The following KPNB1 variants were observed in gnomAD, a reference collection of about 807,000 sequenced individuals.
KPNB1 encodes importin subunit beta-1.
Under a neutral mutation model 113.0 loss-of-function variants are expected in KPNB1, and 7 were observed. The ratio of observed to expected loss-of-function variants is 0.06; its 90% CI spans 0.04 to 0.12. The LOEUF (loss-of-function observed/expected upper bound fraction) is 0.12. KPNB1 is among the 10% of genes least tolerant of loss of function. The pLI, the probability that KPNB1 is intolerant of heterozygous loss-of-function variation, is 1.00. For synonymous variants in KPNB1, 363 were observed against 378.6 expected (o/e 0.96, Z 0.48); for missense variants, 400 against 1,054.8 (o/e 0.38, Z 8.60).
At chr17:47,663,535 G>T (rs138747314) in intron 7 of KPNB1, among the ~76,000 whole-genome samples, 2 of 152,086 alleles carry the variant, frequency 1.3e-5, no homozygotes, top group African/African-American at 2.4e-5. Context: ...GTGGTGGCAC[G>T]TGCCTGTAAT....
intron 3 of KPNB1, 95 bp from the exon 4 acceptor site, chr17:47,656,765 A>T: frequency 8.0e-7 from 1 of 1,246,480 alleles, no homozygotes; most frequent in Non-Finnish European, 1.2e-6. Context: ...AAAGAAAAAA[A>T]AGAATTCAGA....
chr17:47,680,888 C>T (rs981241977), intron 21 of KPNB1, among the ~76,000 whole-genome samples: 1 of 152,236 alleles, frequency 6.6e-6, no homozygotes, highest in Non-Finnish European at 1.5e-5. Flanking sequence ...CTGGAATTCA[C>T]TGAAATTCCC....
chr17:47,671,381 T>C (rs1471455374), intron 12 of KPNB1, among the ~76,000 whole-genome samples: 1 of 152,256 alleles, frequency 6.6e-6, no homozygotes, highest in Non-Finnish European at 1.5e-5. Context: ...ATTTCTCTGC[T>C]TTCTTTGTAG....
intron 6 of KPNB1, 62 bp from the exon 7 acceptor site, chr17:47,663,027 A>G: frequency 1.1e-6 from 1 of 881,324 alleles, no homozygotes; most frequent in Non-Finnish European, 2.0e-6. Flanking sequence ...ATTTGAGTGA[A>G]TCTAACTTTG....
rs1295639020 is a variant in KPNB1 at position 47,658,490 on chromosome 17, C to A, written c.484-18C>A. The A allele has an allele frequency of 6.2e-7, 1 of 1,608,956 alleles. No individual in the cohort carries two copies. The highest frequency in any genetic ancestry group is 2.2e-5 in the East Asian group (1 of 44,830). ...GAGGGCTGACTGTATATTCATTGCA[C>A]TTCTCTGCTTGTTACAGGACCCAGA... On this transcript the variant is annotated intron_variant, in intron 4 of 21. Transcript: ENST00000290158.
chr17:47,683,497 T>G lies in KPNB1; in HGVS notation c.*1093T>G, dbSNP rs909627577. On this transcript the variant is annotated 3_prime_UTR_variant, in exon 22 of 22. Coordinates refer to ENST00000290158, the MANE Select transcript of KPNB1 (RefSeq NM_002265.6). ...CAGTCTGAACGCCCCCAGAAAATTG[T>G]GCCAAAGAGTTTAGAAAAATAAATA... The G allele has an allele frequency of 1.3e-5, 2 of 152,484 alleles. No homozygotes were observed. Among genetic ancestry groups the G allele is most frequent in the African/African-American group, 4.8e-5 (2 of 41,422 alleles). The allele number at this position is 152,484 out of a possible 1,614,324, so 9.4% of individuals were successfully genotyped here.
chr17:47,656,900 C>G lies in KPNB1; in HGVS notation c.323C>G (p.Ser108Cys). ...TLGTETYRPSSASQCVAGIAC... is the reference protein window; with the variant it reads ...TLGTETYRPSCASQCVAGIAC... ...GGTACAGAAACTTACCGGCCTAGTT[C>G]TGCCTCACAGTGTGTGGCTGGTATT... Residue 108 changes from serine (S) to cysteine (C), a missense_variant, in exon 4 of 22, where the codon TCT becomes TGT. Ser to Cys is a moderately radical substitution (Grantham distance 112). Transcript: ENST00000290158. The G allele has an allele frequency of 6.2e-7, 1 of 1,614,184 alleles. No individual in the cohort carries two copies. Among genetic ancestry groups the G allele is most frequent in the Non-Finnish European group, 8.5e-7 (1 of 1,180,040 alleles).
At chr17:47,664,058 T>C (rs2030192734) in intron 7 of KPNB1, 101 bp from the exon 8 acceptor site, 1 of 685,110 alleles carries the variant, frequency 1.5e-6, no homozygotes, top group African/African-American at 1.8e-5. Flanking sequence ...TTTTTATAGT[T>C]ACATTTCTGA....
intron 19 of KPNB1, 59 bp from the exon 20 acceptor site, chr17:47,679,961 T>C (rs1039101698): frequency 9.4e-7 from 1 of 1,067,828 alleles, no homozygotes; most frequent in East Asian, 2.4e-5. Flanking sequence ...CCTCCTAAAG[T>C]GCTGGGTTTA....
At chr17:47,675,238 C>T (rs909358690) in intron 15 of KPNB1, among the ~76,000 whole-genome samples, 1 of 152,082 alleles carries the variant, frequency 6.6e-6, no homozygotes, top group Non-Finnish European at 1.5e-5. Flanking sequence ...AGTCCTTTTA[C>T]TGGGGCATGA....
chr17:47,657,174 C>G, intron 4 of KPNB1, 114 bp downstream of exon 4: 1 of 878,502 alleles, frequency 1.1e-6, no homozygotes, highest in Middle Eastern at 3.1e-4. Flanking sequence ...CTAAATTGCA[C>G]AGTTTTGAAA....
rs2029928159 is a variant in KPNB1, at chr17:47,656,945, T to G, written c.368T>G (p.Val123Gly). 1 of 1,614,050 alleles carries G rather than the reference T, an allele frequency of 6.2e-7. No individual in the cohort carries two copies. The highest frequency in any genetic ancestry group is 1.7e-5 in the Admixed American group (1 of 60,000). ...GGTATTGCTTGTGCAGAGATCCCAG[T>G]AAACCAGTGGCCAGAACTCATTCCT... ...VAGIACAEIP[V>G]NQWPELIPQL... is the part of the protein sequence containing the mutation. The change falls in exon 4 of 22, where the codon GTA (valine) becomes GGA (glycine). Residue 123 changes from valine (V) to glycine (G), a missense_variant. Val to Gly is a moderately radical substitution (Grantham distance 109). Transcript: ENST00000290158.
rs201190433 is a variant in KPNB1, at chr17:47,670,847, A to T, written c.1547+15A>T. 1,031 of 1,590,148 alleles carry T rather than the reference A, an allele frequency of 6.5e-4. 6 individuals carry two copies. Among genetic ancestry groups the T allele is most frequent in the South Asian group, 5.1e-3 (461 of 90,078 alleles). Reference sequence around the variant, plus strand: ...ACTACAGACAGGTAACTGATATTTCACAGAAATGAGTGACGTCTTTGCATC... The same window carrying T: ...ACTACAGACAGGTAACTGATATTTCTCAGAAATGAGTGACGTCTTTGCATC... On this transcript the variant is annotated intron_variant, in intron 12 of 21. Coordinates refer to ENST00000290158, the MANE Select transcript of KPNB1 (RefSeq NM_002265.6).
At chr17:47,668,038 T>C in intron 9 of KPNB1, 148 bp from the exon 10 acceptor site, 1 of 624,282 alleles carries the variant, frequency 1.6e-6, no homozygotes, top group Non-Finnish European at 2.8e-6. Context: ...CTGTGATGAA[T>C]GTTTGTGGAA....
rs574924071 is a variant in KPNB1, at chr17:47,672,349, T to C, written c.1548-669T>C. On this transcript the variant is annotated intron_variant, in intron 12 of 21. Coordinates refer to ENST00000290158, the MANE Select transcript of KPNB1 (RefSeq NM_002265.6). ...TTTAACTAGTTCATGTCCATGCCTCTTTGAGATTATATATGAAGACATCTT... is the reference window on the plus strand; with the variant it reads ...TTTAACTAGTTCATGTCCATGCCTCCTTGAGATTATATATGAAGACATCTT... Among the ~76,000 whole-genome samples the C allele has an allele frequency of 4.1e-4, 62 of 152,244 alleles. 2 individuals carry two copies. The South Asian group carries it at 0.012, about 30-fold the overall frequency.
Position 47,680,627 on chromosome 17 carries a change from C to T in KPNB1, c.2588C>T (p.Thr863Ile). The change falls in exon 21 of 22, where the codon ACA becomes ATA. Residue 863 changes from threonine to isoleucine, a missense_variant. Coordinates refer to ENST00000290158, the MANE Select transcript of KPNB1 (RefSeq NM_002265.6). The stretch of plus-strand genomic sequence containing the variant: ...ACTAACAAAGCAAAAACCCTTGCTA[C>T]ATGGGCAACAAAAGAACTGAGGAAA... ...SKTNKAKTLA[T>I]WATKELRKLK... 6.2e-7 allele frequency: 1 copy of T among 1,614,174 alleles called. No individual in the cohort carries two copies. The highest frequency in any genetic ancestry group is 8.5e-7 in the Non-Finnish European group (1 of 1,180,012).
intron 15 of KPNB1, among the ~76,000 whole-genome samples, chr17:47,675,384 TGTTTG>T (rs141453842): frequency 0.012 from 1,243 of 105,450 alleles, 86 homozygotes; most frequent in African/African-American, 0.021. Context: ...TTTTTTTTTT[TGTTTG>T]TTTTTTTTTT....
rs1323647627 is a variant in KPNB1 at position 47,683,294 on chromosome 17, G to C, written c.*890G>C. 3 of 147,226 alleles carry C rather than the reference G, an allele frequency of 2.0e-5. No homozygotes were observed. The allele number at this position is 147,226 out of a possible 1,614,324, so 9.1% of individuals were successfully genotyped here. ...TGGTTCAACTGTGAATGTAGAAGTG[G>C]GGGGGAGGGGGGAGAAAAAGAAAAC... On this transcript the variant is annotated 3_prime_UTR_variant, in exon 22 of 22. Transcript: ENST00000290158.
rs376643366 is a variant in KPNB1, at chr17:47,656,484, G to T, written c.283-376G>T. Among the ~76,000 whole-genome samples the T allele has an allele frequency of 5.9e-5, 9 of 152,092 alleles. No homozygotes were observed. In the East Asian group the frequency reaches 1.2e-3, roughly 20 times the overall value. On this transcript the variant is annotated intron_variant, in intron 3 of 21. Coordinates refer to ENST00000290158, the MANE Select transcript of KPNB1 (RefSeq NM_002265.6). Reference sequence around the variant, plus strand: ...AAGGCTGCAGTATCGTTGTGCCATTGCACTATCGTTTTGCTACTACACTCC... The same window carrying T: ...AAGGCTGCAGTATCGTTGTGCCATTTCACTATCGTTTTGCTACTACACTCC...
Sources: gnomAD v4.1 joint callset for allele counts (sites outside exome capture counted in the v4.1 genomes callset) on GRCh38, gnomAD v4.1.1 for gene constraint, MANE v1.5 for transcripts, NCBI Gene and HGNC (gene_info 2026-07-23, HGNC 2026-07-21) for gene names.